PPP2R2C: variants seen among roughly 807,000 people sequenced by gnomAD.
PPP2R2C encodes the protein protein phosphatase 2 regulatory subunit Bgamma, also known as protein phosphatase 2, regulatory subunit B, gamma.
PPP2R2C carries 10 observed loss-of-function variants against 45.3 expected under a neutral mutation model. The ratio of observed to expected loss-of-function variants is 0.22; its 90% CI spans 0.14 to 0.37. PPP2R2C has a LOEUF of 0.37. Ranked by LOEUF, PPP2R2C falls within the 10% of genes least tolerant of loss-of-function variation. PPP2R2C has a pLI of 1.00. For synonymous variants in PPP2R2C, 257 were observed against 245.4 expected (o/e 1.05, Z -0.44); for missense variants, 308 against 619.7 (o/e 0.50, Z 5.34).
chr4:6,529,313 G>A (rs1724317913), intron 2 of PPP2R2C, among the ~76,000 whole-genome samples: 1 of 152,236 alleles, frequency 6.6e-6, no homozygotes, highest in South Asian at 2.1e-4. Context: ...AAGAGCCTCA[G>A]ACTGGCCTCT....
At chr4:6,427,986 C>G (rs966869799) in intron 1 of PPP2R2C, among the ~76,000 whole-genome samples, 1 of 152,156 alleles carries the variant, frequency 6.6e-6, no homozygotes, top group African/African-American at 2.4e-5. Flanking sequence ...AATGAGGGAA[C>G]GAGCTAGACA....
chr4:6,375,690 G>T, intron 4 of PPP2R2C, 129 bp downstream of exon 4: 2 of 747,496 alleles, frequency 2.7e-6, no homozygotes, highest in African/African-American at 1.8e-5. Flanking sequence ...GCCCGTGGCC[G>T]CCCAGCAGCC....
intron 1 of PPP2R2C, among the ~76,000 whole-genome samples, chr4:6,410,775 T>G (rs1210208704): frequency 1.3e-5 from 2 of 152,120 alleles, no homozygotes; most frequent in Non-Finnish European, 2.9e-5. Flanking sequence ...CCAAAGTCCT[T>G]CATGAACATT....
chr4:6,345,701 G>A lies in PPP2R2C; in HGVS notation c.790+2145C>T, dbSNP rs1460732839. On this transcript the variant is annotated intron_variant, in intron 6 of 8. Transcript: ENST00000382599. The surrounding 1 kb of genome is among the most constrained non-coding windows in gnomAD (Gnocchi z 5.3). ...TACCAGCCCGTGGCACCTTCATTATGGCCAGTGAGCTGGCTGTGGGACTGC... is the reference window on the plus strand; with the variant it reads ...TACCAGCCCGTGGCACCTTCATTATAGCCAGTGAGCTGGCTGTGGGACTGC... Among the ~76,000 whole-genome samples the A allele has an allele frequency of 2.0e-5, 3 of 152,084 alleles. No homozygotes were observed. The highest frequency in any genetic ancestry group is 2.1e-4 in the South Asian group (1 of 4,830).
chr4:6,512,527 GTGATGGTGA>G (rs1723674497), intron 2 of PPP2R2C, among the ~76,000 whole-genome samples: 61 of 105,116 alleles, frequency 5.8e-4, no homozygotes, highest in East Asian at 1.4e-3. Context: ...GGTGGTGGTG[GTGATGGTGA>G]TGGTGGTGAT....
intron 2 of PPP2R2C, among the ~76,000 whole-genome samples, chr4:6,486,321 G>C (rs1722526158): frequency 6.6e-6 from 1 of 151,994 alleles, no homozygotes; most frequent in African/African-American, 2.4e-5. Flanking sequence ...TGAATGTTCG[G>C]TGGTGTGTAC....
At chr4:6,427,359 CG>C in intron 1 of PPP2R2C, among the ~76,000 whole-genome samples, 1 of 152,216 alleles carries the variant, frequency 6.6e-6, no homozygotes, top group Non-Finnish European at 1.5e-5. Context: ...AACTCAACAA[CG>C]ACCTCCTTGG....
At chr4:6,511,765 A>G (rs1360772922) in intron 2 of PPP2R2C, among the ~76,000 whole-genome samples, 1 of 32,268 alleles carries the variant, frequency 3.1e-5, no homozygotes, top group Admixed American at 3.0e-4. Context: ...GGTGGTGGTG[A>G]TGGTGATGGT....
intron 1 of PPP2R2C, among the ~76,000 whole-genome samples, chr4:6,548,624 A>G (rs1400277375): frequency 6.6e-6 from 1 of 152,218 alleles, no homozygotes; most frequent in African/African-American, 2.4e-5. Flanking sequence ...CAGCCATGCA[A>G]GTGTGACTGA....
At chr4:6,392,444 T>A (rs879686821) in intron 1 of PPP2R2C, among the ~76,000 whole-genome samples, 1 of 88,788 alleles carries the variant, frequency 1.1e-5, no homozygotes, top group African/African-American at 4.3e-5. Flanking sequence ...ATGGGAGGGG[T>A]GGGAGGGGCT....
intron 1 of PPP2R2C, among the ~76,000 whole-genome samples, chr4:6,416,256 G>A (rs951620709): frequency 2.0e-5 from 3 of 152,132 alleles, no homozygotes; most frequent in Non-Finnish European, 4.4e-5. Context: ...GCACACAACC[G>A]CCCCCACGAT....
At chr4:6,562,468 CGG>C (rs201107217) in intron 1 of PPP2R2C, among the ~76,000 whole-genome samples, 3,650 of 93,142 alleles carry the variant, frequency 0.039, 92 homozygotes, top group African/African-American at 0.12. Context: ...TCAACGGAGT[CGG>C]GGGGGGGGGT....
At chr4:6,510,706 G>A (rs957019173) in intron 2 of PPP2R2C, among the ~76,000 whole-genome samples, 4 of 152,176 alleles carry the variant, frequency 2.6e-5, no homozygotes, top group Non-Finnish European at 4.4e-5. Flanking sequence ...GGCCGGGCAC[G>A]GTGTCTCACG....
chr4:6,426,646 C>T (rs1391579004), intron 1 of PPP2R2C, among the ~76,000 whole-genome samples: 4 of 152,202 alleles, frequency 2.6e-5, no homozygotes, highest in African/African-American at 9.7e-5. Context: ...TGTTCAGAAA[C>T]ACACTCAGTG....
At chr4:6,537,435 T>A (rs1412134047) in intron 1 of PPP2R2C, among the ~76,000 whole-genome samples, 1 of 152,148 alleles carries the variant, frequency 6.6e-6, no homozygotes, top group African/African-American at 2.4e-5. Context: ...TCTAAAACTT[T>A]GTTTTTAGTG....
chr4:6,479,377 T>C (rs1722271600), intron 2 of PPP2R2C, among the ~76,000 whole-genome samples: 2 of 152,170 alleles, frequency 1.3e-5, no homozygotes, highest in African/African-American at 4.8e-5. Context: ...GCAATGGATC[T>C]TTCCTCCAGT....
At position 6,521,699 on chromosome 4, in the gene PPP2R2C, G is replaced by A. The variant is rs141932949; in HGVS notation, c.49+13572C>T. 5.4e-3 allele frequency among the ~76,000 whole-genome samples: 820 copies of A among 152,274 alleles called. 11 individuals carry two copies. The highest frequency in any genetic ancestry group is 0.051 in the South Asian group (248 of 4,824). On this transcript the variant is annotated intron_variant, in intron 2 of 9. Coordinates refer to the PPP2R2C transcript ENST00000506140. ...ACAGGAGCTGGTACCGCTTCCCCTG[G>A]ACTGGCCACCGGTCCCCTTTCCAGG...
At chr4:6,344,099 C>T (rs912639988) in intron 6 of PPP2R2C, among the ~76,000 whole-genome samples, 1 of 152,198 alleles carries the variant, frequency 6.6e-6, no homozygotes, top group Non-Finnish European at 1.5e-5. Flanking sequence ...AAGGACCTGG[C>T]CCCAAGGTCG....
chr4:6,461,795 G>C (rs535346394), intron 1 of PPP2R2C, among the ~76,000 whole-genome samples: 8 of 152,344 alleles, frequency 5.3e-5, no homozygotes, highest in African/African-American at 1.9e-4. Context: ...TGCTGGTCCT[G>C]CTGTATGTAG....
Sources: gnomAD v4.1 joint callset for allele counts (sites outside exome capture counted in the v4.1 genomes callset) on GRCh38, gnomAD v4.1.1 for gene constraint, Gnocchi (gnomAD v3.1) non-coding constraint, MANE v1.5 for transcripts, NCBI Gene and HGNC (gene_info 2026-07-23, HGNC 2026-07-21) for gene names.